Variants in CDC25B observed in about 807,000 individuals in gnomAD.
CDC25B encodes the protein cell division cycle 25B.
Under a neutral mutation model 69.8 loss-of-function variants are expected in CDC25B, and 33 were observed. The observed-to-expected ratio is 0.47, with a 90% confidence interval of 0.36 to 0.63. CDC25B has a LOEUF of 0.63. CDC25B is among the 30% of genes least tolerant of loss of function. The pLI is 0.00. For missense variants in CDC25B, 727 were observed against 809.1 expected (o/e 0.90, Z 1.23); for synonymous variants, 341 against 314.6 (o/e 1.08, Z -0.89).
chr20:3,796,198 C>T, upstream of CDC25B: 2 of 1,187,730 alleles, frequency 1.7e-6, no homozygotes, highest in Non-Finnish European at 2.1e-6. Flanking sequence ...GCCCTGCGGG[C>T]CCCGCCCTCA....
chr20:3,802,563 C>T (rs1487592030), intron 11 of CDC25B, among the ~76,000 whole-genome samples, 187 bp downstream of exon 11: 1 of 152,166 alleles, frequency 6.6e-6, no homozygotes, highest in East Asian at 1.9e-4. Flanking sequence ...CTCCTGACTC[C>T]ACCTCAAGTC....
chr20:3,788,072 G>A (rs2088853438), intron 1 of CDC25B, among the ~76,000 whole-genome samples: 1 of 152,110 alleles, frequency 6.6e-6, no homozygotes, highest in Non-Finnish European at 1.5e-5. Context: ...GGGAGGCAGA[G>A]GTTGCAGGGA....
intron 14 of CDC25B, 71 bp from the exon 15 acceptor site, chr20:3,804,498 G>T: frequency 1.1e-6 from 1 of 947,592 alleles, no homozygotes; most frequent in Non-Finnish European, 1.7e-6. Context: ...AGGGGACGTG[G>T]GGGATAGGTC....
At chr20:3,789,520 A>G (rs553526265) in intron 1 of CDC25B, among the ~76,000 whole-genome samples, 9 of 152,068 alleles carry the variant, frequency 5.9e-5, no homozygotes, top group Admixed American at 1.3e-4. Flanking sequence ...ACAGGTGTAC[A>G]CCACCATACC....
At chr20:3,800,950 C>A in intron 6 of CDC25B, 21 bp from the exon 7 acceptor site, 1 of 1,613,586 alleles carries the variant, frequency 6.2e-7, no homozygotes, top group South Asian at 1.1e-5. Flanking sequence ...TGAGGACCCT[C>A]CTCTCCCATC....
At position 3,805,891 on chromosome 20, in the gene CDC25B, T is replaced by C. The variant is rs2089459380; in HGVS notation, c.*930T>C. 14 of 403,528 alleles carry C rather than the reference T, an allele frequency of 3.5e-5. No homozygotes were observed. The Admixed American group carries it at 5.7e-4, about 16-fold the overall frequency. The allele number at this position is 403,528 out of a possible 1,614,324, so 25.0% of individuals were successfully genotyped here. ...CCAGGTGGGAGCGTTTTGTTGAGCA[T>C]GACAGCCTGCAGCAGGAATATATGT... On this transcript the variant is annotated 3_prime_UTR_variant, in exon 16 of 16. Coordinates refer to ENST00000245960, the MANE Select transcript of CDC25B (RefSeq NM_021873.4).
intron 5 of CDC25B, 39 bp from the exon 6 acceptor site, chr20:3,800,704 C>A: frequency 6.2e-7 from 1 of 1,602,740 alleles, no homozygotes; most frequent in Admixed American, 1.7e-5. Context: ...AGGAATGCAG[C>A]CTTCATTCCT....
At chr20:3,788,974 G>A (rs942507810) in intron 1 of CDC25B, among the ~76,000 whole-genome samples, 7 of 151,558 alleles carry the variant, frequency 4.6e-5, no homozygotes, top group East Asian at 1.9e-4. Flanking sequence ...GAAAAGCCAC[G>A]CCCATCATAT....
At chr20:3,788,642 AG>A (rs2088864379) in intron 1 of CDC25B, among the ~76,000 whole-genome samples, 1 of 152,196 alleles carries the variant, frequency 6.6e-6, no homozygotes, top group Admixed American at 6.5e-5. Context: ...TTGGCCCAAG[AG>A]GAGTGTGTGG....
At position 3,804,850 on chromosome 20, in the gene CDC25B, C is replaced by T. The variant is rs1395077754; in HGVS notation, c.1632C>T (p.Pro544=). The change falls in exon 16 of 16, where the codon CCC becomes CCT. Residue 544 remains proline, a synonymous_variant. Coordinates refer to ENST00000245960, the MANE Select transcript of CDC25B (RefSeq NM_021873.4). ...TCTGTGAACCCCAGGACTACCGGCC[C>T]ATGAACCACGAGGCCTTCAAGGATG... The part of the protein sequence containing the change: ...PNFCEPQDYR[P]MNHEAFKDEL... The T allele has an allele frequency of 2.5e-6, 4 of 1,614,196 alleles. No homozygotes were observed. Among genetic ancestry groups the T allele is most frequent in the Non-Finnish European group, 3.4e-6 (4 of 1,180,022 alleles).
upstream of CDC25B, among the ~76,000 whole-genome samples, chr20:3,794,641 C>T (rs538090646): frequency 1.6e-3 from 242 of 152,224 alleles, 1 homozygote; most frequent in Non-Finnish European, 3.5e-4. Context: ...AACCCCTGAC[C>T]CAGGGAGGAT....
chr20:3,799,994 G>A (rs981625058), intron 3 of CDC25B, among the ~76,000 whole-genome samples: 8 of 152,124 alleles, frequency 5.3e-5, no homozygotes, highest in African/African-American at 1.7e-4. Flanking sequence ...CGAGACTGTT[G>A]CCTTGGTGAC....
Position 3,803,311 on chromosome 20 carries a change from G to T in CDC25B, c.1357-93G>T, listed in dbSNP as rs1478034423. 1.3e-6 allele frequency: 2 copies of T among 1,592,244 alleles called. No homozygotes were observed. The highest frequency in any genetic ancestry group is 1.3e-5 in the African/African-American group (1 of 74,516). ...GAGGACGGGTGCCCCCTCTCATGGGGAGGGTTCCTACTAAGAGAAGGACAG... is the reference window on the plus strand; with the variant it reads ...GAGGACGGGTGCCCCCTCTCATGGGTAGGGTTCCTACTAAGAGAAGGACAG... On this transcript the variant is annotated intron_variant, in intron 13 of 15. Transcript: ENST00000245960. This position sits in a 1 kb window ranked among gnomAD's most constrained non-coding sequence, Gnocchi z 4.9.
At chr20:3,790,724 T>C (rs2088901662) in intron 1 of CDC25B, among the ~76,000 whole-genome samples, 1 of 152,048 alleles carries the variant, frequency 6.6e-6, no homozygotes, top group Non-Finnish European at 1.5e-5. Flanking sequence ...CGCCAACTAC[T>C]ATACCTGGCT....
In CDC25B at chr20:3,802,096, A is replaced by G. The variant is rs752670696; in HGVS notation, c.1094A>G (p.Glu365Gly). 2.7e-5 allele frequency: 42 copies of G among 1,550,400 alleles called. No individual in the cohort carries two copies. The highest frequency in any genetic ancestry group is 3.6e-5 in the Non-Finnish European group (41 of 1,145,540). ...TPPEEQQEAE[E>G]PKARVLRSKS... The stretch of plus-strand genomic sequence containing the variant: ...CCTGAGGAGCAGCAGGAGGCTGAGG[A>G]ACCTGTGAGTGCCTTCCTCCTGGGG... The change falls in exon 10 of 16, where the codon GAA (glutamate) becomes GGA (glycine). Residue 365 changes from glutamate (E) to glycine (G), a missense_variant. Glu to Gly is a moderately conservative substitution (Grantham distance 98, BLOSUM62 -2). Around this residue, in one of 2 missense-constraint regions of CDC25B, gnomAD observed 359 missense variants for 463.4 expected, o/e 0.77. Transcript: ENST00000245960.
chr20:3,790,514 A>G (rs2088897762), intron 1 of CDC25B, among the ~76,000 whole-genome samples: 1 of 150,284 alleles, frequency 6.7e-6, no homozygotes, highest in Admixed American at 6.6e-5. Flanking sequence ...AAAAAAAAAA[A>G]GATTTGCTTA....
At chr20:3,794,270 G>T (rs2146657246), upstream of CDC25B, among the ~76,000 whole-genome samples, 1 of 151,372 alleles carries the variant, frequency 6.6e-6, no homozygotes, top group Admixed American at 6.6e-5. Flanking sequence ...GTTGTTTCCT[G>T]ACTTTTTAAT....
At chr20:3,790,953 T>C (rs2088905872) in intron 1 of CDC25B, among the ~76,000 whole-genome samples, 1 of 151,886 alleles carries the variant, frequency 6.6e-6, no homozygotes, top group South Asian at 2.1e-4. Flanking sequence ...CGAGTCTTCC[T>C]CCTTAGCCTC....
chr20:3,800,307 G>A lies in CDC25B; in HGVS notation c.400G>A (p.Ala134Thr), dbSNP rs976549421. ...TCCTAGGTTTGAACAGGCCATCCAG[G>A]CAGCCAGCCGGATCATTCGAAAGTA... ...AEQTFEQAIQ[A>T]ASRIIRNEQF... is the part of the protein sequence containing the mutation. The change falls in exon 4 of 16, where the codon GCA becomes ACA. Residue 134 changes from alanine (A) to threonine (T), a missense_variant. Ala to Thr is a moderately conservative substitution (Grantham distance 58). Around this residue, in one of 2 missense-constraint regions of CDC25B, gnomAD observed 368 missense variants for 345.6 expected, o/e 1.06. Coordinates refer to ENST00000245960, the MANE Select transcript of CDC25B (RefSeq NM_021873.4). The A allele has an allele frequency of 1.9e-6, 3 of 1,614,084 alleles. No individual in the cohort carries two copies. Among genetic ancestry groups the A allele is most frequent in the Admixed American group, 3.3e-5 (2 of 60,012 alleles).
Sources: allele counts gnomAD v4.1 joint callset (sites outside exome capture counted in the v4.1 genomes callset), GRCh38; gene constraint gnomAD v4.1.1; regional missense constraint gnomAD v4.1.1; non-coding constraint Gnocchi (gnomAD v3.1); transcripts MANE v1.5; gene names NCBI Gene and HGNC (gene_info 2026-07-23, HGNC 2026-07-21).